Variants in RAP1GDS1 observed in about 807,000 individuals in gnomAD.
RAP1GDS1 encodes the protein RAP1, GTP-GDP dissociation stimulator 1.
Under a neutral mutation model 71.1 loss-of-function variants are expected in RAP1GDS1, and 35 were observed. The observed-to-expected ratio is 0.49, with a 90% CI of 0.38 to 0.65. RAP1GDS1 has a LOEUF of 0.65. Among genes scored for constraint, RAP1GDS1 ranks in the 30% least tolerant of loss-of-function variants. The pLI, the probability that RAP1GDS1 is intolerant of heterozygous loss-of-function variation, is 0.00. For missense variants in RAP1GDS1, 663 were observed against 706.1 expected (o/e 0.94, Z 0.69); for synonymous variants, 229 against 243.1 (o/e 0.94, Z 0.54).
intron 7 of RAP1GDS1, among the ~76,000 whole-genome samples, chr4:98,415,764 G>A (rs998460185): frequency 6.6e-6 from 1 of 152,084 alleles, no homozygotes; most frequent in Non-Finnish European, 1.5e-5. Context: ...CATCAGAAAG[G>A]TTCAAGGTTA....
intron 5 of RAP1GDS1, among the ~76,000 whole-genome samples, chr4:98,391,418 A>G (rs1394652374): frequency 6.6e-6 from 1 of 152,128 alleles, no homozygotes; most frequent in Non-Finnish European, 1.5e-5. Flanking sequence ...GCAGTCATCA[A>G]GAACACTCTG....
At chr4:98,383,404 A>G (rs1055671874) in intron 5 of RAP1GDS1, among the ~76,000 whole-genome samples, 2 of 151,716 alleles carry the variant, frequency 1.3e-5, no homozygotes, top group East Asian at 1.9e-4. Context: ...TATTTTATAT[A>G]TACATGTATG....
chr4:98,286,886 TAAA>T (rs778410316), intron 1 of RAP1GDS1, among the ~76,000 whole-genome samples: 11,544 of 89,732 alleles, frequency 0.13, 565 homozygotes, highest in African/African-American at 0.2. Context: ...AACTCCGTCT[TAAA>T]AAAAAAAAAA....
intron 2 of RAP1GDS1, among the ~76,000 whole-genome samples, chr4:98,311,918 C>G (rs1332700406): frequency 2.0e-5 from 3 of 152,194 alleles, no homozygotes; most frequent in Admixed American, 1.3e-4. Flanking sequence ...GGTTAGCAGG[C>G]ATGAGCCACT....
chr4:98,291,588 T>A (rs1384978072), intron 1 of RAP1GDS1, among the ~76,000 whole-genome samples: 1 of 152,168 alleles, frequency 6.6e-6, no homozygotes, highest in African/African-American at 2.4e-5. Context: ...ATATGAGTCG[T>A]CTGCTAGAAT....
rs1317981590 is a variant in RAP1GDS1, at chr4:98,344,455, CT to C, written c.235+1200del. Among the ~76,000 whole-genome samples the C allele has an allele frequency of 7.2e-5, 11 of 152,166 alleles. No individual in the cohort carries two copies. The East Asian group carries it at 2.1e-3, about 29-fold the overall frequency. On this transcript the variant is annotated intron_variant, in intron 3 of 14. Transcript: ENST00000408927. Reference sequence around the variant, plus strand: ...GACTCCACAATTTTTATCTTAAAATCTTTTTTCTTAAGCATTCTTATAGTAT... The same window carrying C: ...GACTCCACAATTTTTATCTTAAAATCTTTTTCTTAAGCATTCTTATAGTAT...
Position 98,442,149 on chromosome 4 carries a change from C to CT in RAP1GDS1, c.*33dup. On this transcript the variant is annotated 3_prime_UTR_variant, in exon 15 of 15. Coordinates refer to ENST00000408927, the MANE Select transcript of RAP1GDS1 (RefSeq NM_001100427.2). The stretch of plus-strand genomic sequence containing the variant: ...CCCGATACACGGCATCATCCCATCT[C>CT]TAATTTCCCCTCTGTCCTCCATCCA... 6.2e-7 allele frequency: 1 copy of CT among 1,605,456 alleles called. No homozygotes were observed. Among genetic ancestry groups the CT allele is most frequent in the Admixed American group, 1.7e-5 (1 of 59,884 alleles).
chr4:98,270,519 C>G (rs1445858643), intron 1 of RAP1GDS1, among the ~76,000 whole-genome samples: 1 of 152,090 alleles, frequency 6.6e-6, no homozygotes, highest in South Asian at 2.1e-4. Flanking sequence ...GATATGGATG[C>G]TGGATTCAAA....
intron 6 of RAP1GDS1, among the ~76,000 whole-genome samples, chr4:98,397,473 C>T (rs1479608013): frequency 6.6e-6 from 1 of 152,014 alleles, no homozygotes; most frequent in African/African-American, 2.4e-5. Context: ...CCCCGACCCA[C>T]TCTCTAAAAA....
intron 14 of RAP1GDS1, among the ~76,000 whole-genome samples, chr4:98,440,963 G>A (rs1177933967): frequency 6.6e-6 from 1 of 152,340 alleles, no homozygotes; most frequent in Middle Eastern, 3.4e-3. Context: ...AAAGTGCTGG[G>A]ATAACAGGCG....
intron 6 of RAP1GDS1, among the ~76,000 whole-genome samples, chr4:98,399,840 G>C (rs1189385914): frequency 6.6e-6 from 1 of 152,078 alleles, no homozygotes; most frequent in Non-Finnish European, 1.5e-5. Flanking sequence ...AACTAGCACA[G>C]CCACTAGGGA....
chr4:98,351,843 A>G (rs960695716), intron 3 of RAP1GDS1, among the ~76,000 whole-genome samples: 1 of 152,062 alleles, frequency 6.6e-6, no homozygotes, highest in Non-Finnish European at 1.5e-5. Flanking sequence ...TAGACCTGTA[A>G]ATGTATGGGT....
At chr4:98,318,444 A>G (rs573173026) in intron 2 of RAP1GDS1, among the ~76,000 whole-genome samples, 9 of 152,338 alleles carry the variant, frequency 5.9e-5, no homozygotes, top group African/African-American at 1.2e-4. Flanking sequence ...TATTAGAACA[A>G]TATACTGTAA....
chr4:98,413,324 C>T (rs1172616333), intron 7 of RAP1GDS1, among the ~76,000 whole-genome samples: 1 of 151,974 alleles, frequency 6.6e-6, no homozygotes, highest in Admixed American at 6.6e-5. Flanking sequence ...CACCCACTAA[C>T]TCGTCATCTA....
chr4:98,324,034 A>G (rs1426932664), intron 2 of RAP1GDS1, among the ~76,000 whole-genome samples: 2 of 151,086 alleles, frequency 1.3e-5, no homozygotes, highest in Non-Finnish European at 2.9e-5. Flanking sequence ...CCATCGTCTC[A>G]GCCCAAAATC....
chr4:98,318,902 A>C (rs918874733), intron 2 of RAP1GDS1, among the ~76,000 whole-genome samples: 3 of 152,192 alleles, frequency 2.0e-5, no homozygotes, highest in African/African-American at 7.2e-5. Context: ...CTCAGACCAC[A>C]GTTGACTGTG....
At chr4:98,307,664 A>T (rs1338484666) in intron 2 of RAP1GDS1, among the ~76,000 whole-genome samples, 1 of 152,032 alleles carries the variant, frequency 6.6e-6, no homozygotes, top group African/African-American at 2.4e-5. Context: ...ATAACTTCTA[A>T]GTGATTATTG....
chr4:98,397,939 A>T (rs1292006166), intron 6 of RAP1GDS1, among the ~76,000 whole-genome samples: 2 of 152,118 alleles, frequency 1.3e-5, no homozygotes, highest in East Asian at 3.8e-4. Flanking sequence ...AGTTATTTAT[A>T]TTGAGGGTTC....
chr4:98,357,526 A>G (rs1363266641), intron 4 of RAP1GDS1, among the ~76,000 whole-genome samples: 2 of 151,948 alleles, frequency 1.3e-5, no homozygotes, highest in Non-Finnish European at 2.9e-5. Context: ...TTGTAACACT[A>G]TCATAAGCTC....
Sources: gnomAD v4.1 joint callset for allele counts (sites outside exome capture counted in the v4.1 genomes callset) on GRCh38, gnomAD v4.1.1 for gene constraint, MANE v1.5 for transcripts, NCBI Gene and HGNC (gene_info 2026-07-23, HGNC 2026-07-21) for gene names.